Variants in STIM2 observed in about 807,000 individuals in gnomAD.
STIM2 encodes the protein stromal interaction molecule 2.
A neutral mutation model predicts 85.8 loss-of-function variants in STIM2; 31 were observed. The ratio of observed to expected loss-of-function variants is 0.36; its 90% confidence interval spans 0.27 to 0.49. STIM2 has a LOEUF of 0.49. Among genes scored for constraint, STIM2 ranks in the 20% least tolerant of loss-of-function variants. The pLI is 0.98. For missense variants in STIM2, 841 were observed against 927.6 expected (o/e 0.91, Z 1.21); for synonymous variants, 356 against 331.1 (o/e 1.08, Z -0.82).
At chr4:26,965,217 G>A (rs1160812133) in intron 3 of STIM2, among the ~76,000 whole-genome samples, 1 of 152,092 alleles carries the variant, frequency 6.6e-6, no homozygotes, top group Non-Finnish European at 1.5e-5. Flanking sequence ...AGTAACAGAT[G>A]TCATCATTTC....
intron 1 of STIM2, among the ~76,000 whole-genome samples, chr4:26,885,412 T>G (rs1478062862): frequency 6.6e-6 from 1 of 152,160 alleles, no homozygotes; most frequent in Non-Finnish European, 1.5e-5. Flanking sequence ...TGTCCTTACT[T>G]TAATACCATA....
At chr4:26,930,956 G>A (rs1055915311) in intron 2 of STIM2, among the ~76,000 whole-genome samples, 1 of 152,016 alleles carries the variant, frequency 6.6e-6, no homozygotes, top group Non-Finnish European at 1.5e-5. Flanking sequence ...TCTGGCTCTG[G>A]GTCTTTCACA....
intron 10 of STIM2, among the ~76,000 whole-genome samples, chr4:27,015,776 G>A (rs1161848449): frequency 2.2e-5 from 3 of 135,962 alleles, no homozygotes; most frequent in Non-Finnish European, 4.8e-5. Context: ...ATGATTGGGT[G>A]TGGATTTAAA....
At chr4:26,863,534 A>T (rs1201492694) in intron 1 of STIM2, among the ~76,000 whole-genome samples, 1 of 152,248 alleles carries the variant, frequency 6.6e-6, no homozygotes, top group East Asian at 1.9e-4. Context: ...TCCCATTCTT[A>T]AGAGTGTATG....
intron 1 of STIM2, among the ~76,000 whole-genome samples, chr4:26,886,250 A>C (rs1221572473): frequency 1.3e-5 from 2 of 152,156 alleles, no homozygotes; most frequent in Non-Finnish European, 2.9e-5. Flanking sequence ...GATTGTTTGA[A>C]ATTTTAGCTT....
intron 7 of STIM2, among the ~76,000 whole-genome samples, chr4:27,006,010 G>T (rs1345325514): frequency 1.3e-5 from 2 of 152,176 alleles, no homozygotes; most frequent in African/African-American, 4.8e-5. Context: ...ATGCAGGTCT[G>T]CATGAACCTG....
chr4:26,959,244 A>G (rs1577463128), intron 3 of STIM2, among the ~76,000 whole-genome samples: 1 of 152,128 alleles, frequency 6.6e-6, no homozygotes, highest in East Asian at 1.9e-4. Flanking sequence ...TATTCCATGC[A>G]TCTCTCTCGC....
intron 1 of STIM2, among the ~76,000 whole-genome samples, chr4:26,890,501 C>T (rs1472295422): frequency 6.6e-6 from 1 of 152,070 alleles, no homozygotes; most frequent in African/African-American, 2.4e-5. Flanking sequence ...CATTTAGTCT[C>T]TAATAAGGCC....
At chr4:26,946,286 T>C (rs1577454913) in intron 2 of STIM2, among the ~76,000 whole-genome samples, 2 of 152,212 alleles carry the variant, frequency 1.3e-5, no homozygotes, top group East Asian at 3.8e-4. Flanking sequence ...ATAAACCAGA[T>C]ATATTAAAAA....
intron 2 of STIM2, among the ~76,000 whole-genome samples, chr4:26,944,277 C>T (rs993370070): frequency 5.3e-5 from 8 of 152,068 alleles, no homozygotes; most frequent in Non-Finnish European, 1.2e-4. Flanking sequence ...TTATGGTTTA[C>T]TTGTTCTTTA....
In STIM2 at chr4:26,861,349, A is replaced by G. The variant is rs1250553612; in HGVS notation, c.131A>G (p.Asp44Gly). Residue 44 changes from aspartate (D) to glycine (G), a missense_variant, in exon 1 of 12, where the codon GAT becomes GGT. This residue lies in a region of STIM2 where 140 missense variants were observed against 117.7 expected (regional missense o/e 1.19). Coordinates refer to ENST00000467087, the MANE Select transcript of STIM2 (RefSeq NM_020860.4). ...TCCTCTCCCGCCGCGGCGGCCGGCG[A>G]TAGCCCGGCGCTCATGACAGGTGAG... 2.2e-6 allele frequency: 3 copies of G among 1,368,440 alleles called. No homozygotes were observed. The highest frequency in any genetic ancestry group is 2.8e-6 in the Non-Finnish European group (3 of 1,066,426). The allele number at this position is 1,368,440 out of a possible 1,614,324, so 84.8% of individuals were successfully genotyped here.
chr4:26,956,300 A>G (rs1264762672), intron 2 of STIM2, among the ~76,000 whole-genome samples: 1 of 152,190 alleles, frequency 6.6e-6, no homozygotes, highest in Non-Finnish European at 1.5e-5. Flanking sequence ...ATCAAGAGAT[A>G]AGGCCTAAAA....
In STIM2 at chr4:26,919,525, C is replaced by T. The variant is rs756891715; in HGVS notation, c.173C>T (p.Pro58Leu). Reference sequence around the variant, plus strand: ...TCAGATCCCTGCATGTCACTGAGTCCACCATGCTTTACAGAAGAAGACAGA... The same window carrying T: ...TCAGATCCCTGCATGTCACTGAGTCTACCATGCTTTACAGAAGAAGACAGA... The change falls in exon 2 of 12, where the codon CCA (proline) becomes CTA (leucine). Residue 58 changes from proline (P) to leucine (L), a missense_variant. Around this residue, in one of 3 missense-constraint regions of STIM2, gnomAD observed 140 missense variants for 117.7 expected, o/e 1.19. Coordinates refer to ENST00000467087, the MANE Select transcript of STIM2 (RefSeq NM_020860.4). The T allele has an allele frequency of 7.4e-6, 12 of 1,613,448 alleles. No homozygotes were observed. In the South Asian group the frequency reaches 8.8e-5, roughly 12 times the overall value.
In STIM2 at chr4:26,995,395, T is replaced by G. The variant is rs1399245567; in HGVS notation, c.414T>G (p.Leu138=). The change falls in exon 4 of 12, where the codon CTT becomes CTG. Residue 138 remains leucine (L), a synonymous_variant. Transcript: ENST00000467087. ...CTCCTGCAGTTCATAATTGGACCCTTGAAGACACTCTTCAGTGGTTGATAG... is the reference window on the plus strand; with the variant it reads ...CTCCTGCAGTTCATAATTGGACCCTGGAAGACACTCTTCAGTGGTTGATAG... The G allele has an allele frequency of 6.3e-7, 1 of 1,585,940 alleles. No individual in the cohort carries two copies. Among genetic ancestry groups the G allele is most frequent in the Non-Finnish European group, 8.6e-7 (1 of 1,167,346 alleles).
rs781623047 is a variant in STIM2 at position 27,002,930 on chromosome 4, T to C, written c.807T>C (p.Leu269=). The change falls in exon 7 of 12, where the codon CTT becomes CTC. Residue 269 remains leucine (L), a synonymous_variant. Transcript: ENST00000467087. ...TTTATTTTTATTGTTCTATAAGGCT[T>C]GAAAAGGCACAGGAAGAAAACAGAA... 2 of 1,554,942 alleles carry C rather than the reference T, an allele frequency of 1.3e-6. No homozygotes were observed. Among genetic ancestry groups the C allele is most frequent in the South Asian group, 2.5e-5 (2 of 79,512 alleles).
chr4:26,870,383 A>G (rs1299550325), intron 1 of STIM2, among the ~76,000 whole-genome samples: 1 of 152,044 alleles, frequency 6.6e-6, no homozygotes. Context: ...GTATGCATAT[A>G]TCAGATCAAA....
chr4:26,890,841 AAAG>A (rs1395297374), intron 1 of STIM2, among the ~76,000 whole-genome samples: 1 of 151,866 alleles, frequency 6.6e-6, no homozygotes, highest in African/African-American at 2.4e-5. Context: ...AAAAAAAAAA[AAAG>A]GAGAGTACTT....
At chr4:26,869,845 A>G (rs1403450222) in intron 1 of STIM2, among the ~76,000 whole-genome samples, 1 of 151,468 alleles carries the variant, frequency 6.6e-6, no homozygotes, top group Non-Finnish European at 1.5e-5. Flanking sequence ...TGTTAGAGAT[A>G]TCTGCACTGC....
intron 1 of STIM2, among the ~76,000 whole-genome samples, chr4:26,868,744 C>A (rs1164944640): frequency 6.6e-6 from 1 of 151,834 alleles, no homozygotes; most frequent in African/African-American, 2.4e-5. Flanking sequence ...CTTCTTTATT[C>A]CTATTGTCCA....
Sources: allele counts gnomAD v4.1 joint callset (sites outside exome capture counted in the v4.1 genomes callset), GRCh38; gene constraint gnomAD v4.1.1; regional missense constraint gnomAD v4.1.1; transcripts MANE v1.5; gene names NCBI Gene and HGNC (gene_info 2026-07-23, HGNC 2026-07-21).